Variants in CDH12 observed in about 807,000 individuals in gnomAD.
CDH12 encodes cadherin 12.
Under a neutral mutation model 74.1 loss-of-function variants are expected in CDH12, and 41 were observed. The observed-to-expected ratio is 0.55, with a 90% CI of 0.43 to 0.72. The LOEUF (loss-of-function observed/expected upper bound fraction) is 0.72, where lower values mean the gene tolerates loss of function less well. CDH12 is among the 30% of genes least tolerant of loss of function. The probability of loss-of-function intolerance (pLI) is 0.00; values close to 1 mark genes in which losing one functional copy is unlikely to be tolerated. For missense variants in CDH12, 945 were observed against 977.2 expected (o/e 0.97, Z 0.44); for synonymous variants, 399 against 355.0 (o/e 1.12, Z -1.39).
chr5:22,603,618 G>T (rs920285443), intron 1 of CDH12, among the ~76,000 whole-genome samples: 1 of 152,070 alleles, frequency 6.6e-6, no homozygotes, highest in Non-Finnish European at 1.5e-5. Context: ...TACTCAGAAG[G>T]CAAGGAAAGA....
intron 1 of CDH12, among the ~76,000 whole-genome samples, chr5:22,655,305 G>C (rs1278837380): frequency 6.6e-6 from 1 of 152,136 alleles, no homozygotes; most frequent in Non-Finnish European, 1.5e-5. Flanking sequence ...CATGCAATAT[G>C]ATCATTCTAA....
chr5:22,382,179 TAATA>T (rs886942411), intron 3 of CDH12, among the ~76,000 whole-genome samples: 28 of 145,864 alleles, frequency 1.9e-4, no homozygotes, highest in East Asian at 7.9e-4. Flanking sequence ...TATATATTTA[TAATA>T]TATATTATTT....
chr5:22,340,704 C>T (rs1739813059), intron 3 of CDH12, among the ~76,000 whole-genome samples: 1 of 152,042 alleles, frequency 6.6e-6, no homozygotes, highest in South Asian at 2.1e-4. Context: ...ATTCTATAGA[C>T]AATAATTCTG....
intron 1 of CDH12, among the ~76,000 whole-genome samples, chr5:22,710,103 C>T (rs1366284974): frequency 1.3e-5 from 2 of 152,136 alleles, no homozygotes; most frequent in African/African-American, 4.8e-5. Flanking sequence ...TACATCAAAG[C>T]AAAATCACCC....
At position 21,751,609 on chromosome 5, in the gene CDH12, A is replaced by AAAGAGTGTGTGTGT. The variant is rs1554025828; in HGVS notation, c.*127_*128insACACACACACTCTT. ...GGTAATCAAAGGAATCTTGTCCCAG[A>AAAGAGTGTGTGTGT]GTGTGTGTGTGTGTGTGTGTGTTTG... On this transcript the variant is annotated 3_prime_UTR_variant, in exon 15 of 15. Transcript: ENST00000382254. The AAAGAGTGTGTGTGT allele has an allele frequency of 7.6e-5, 42 of 556,084 alleles. No individual in the cohort carries two copies. The highest frequency in any genetic ancestry group is 2.5e-4 in the African/African-American group (10 of 39,852). 34.4% of individuals were successfully genotyped at this position (556,084 alleles called of 1,614,324 possible).
chr5:21,900,921 C>T (rs1753356568), intron 6 of CDH12, among the ~76,000 whole-genome samples: 1 of 152,188 alleles, frequency 6.6e-6, no homozygotes, highest in African/African-American at 2.4e-5. Flanking sequence ...CCACATAGCA[C>T]ATGCCACACT....
At chr5:22,334,022 C>T (rs1739459222) in intron 3 of CDH12, among the ~76,000 whole-genome samples, 2 of 152,130 alleles carry the variant, frequency 1.3e-5, no homozygotes, top group Admixed American at 6.5e-5. Flanking sequence ...TGTAGTATCA[C>T]ATTGACTGGG....
chr5:22,396,755 C>T (rs1283245713), intron 3 of CDH12, among the ~76,000 whole-genome samples: 1 of 152,086 alleles, frequency 6.6e-6, no homozygotes, highest in African/African-American at 2.4e-5. Context: ...GAGGAAGTTT[C>T]AGCATTTCAG....
rs948451249 is a variant in CDH12, at chr5:22,592,685, C to A, written c.-522-87321G>T. On this transcript the variant is annotated intron_variant, in intron 1 of 14. Coordinates refer to ENST00000382254, the MANE Select transcript of CDH12 (RefSeq NM_004061.5). ...TAAACAGCTCTCCCCCTCCACCCCC[C>A]ACCACCTCCACCCAATCCACTGCAA... 6.0e-5 allele frequency among the ~76,000 whole-genome samples: 9 copies of A among 149,530 alleles called. No individual in the cohort carries two copies. In the South Asian group the frequency reaches 1.3e-3, roughly 21 times the overall value.
intron 1 of CDH12, among the ~76,000 whole-genome samples, chr5:22,852,110 T>C (rs572774266): frequency 3.9e-5 from 6 of 152,284 alleles, no homozygotes; most frequent in African/African-American, 1.4e-4. Flanking sequence ...ATTTTCTAGC[T>C]GAGCAGTTTG....
intron 1 of CDH12, among the ~76,000 whole-genome samples, chr5:22,523,785 C>A (rs1213346364): frequency 2.6e-5 from 4 of 151,884 alleles, no homozygotes; most frequent in Non-Finnish European, 5.9e-5. Context: ...TTCTTTCCAC[C>A]CTGACCTCTC....
At position 21,815,492 on chromosome 5, in the gene CDH12, C is replaced by T. The variant is rs180761320; in HGVS notation, c.1002+1453G>A. The stretch of plus-strand genomic sequence containing the variant: ...TTAACAGACTCCTTCATGTCACCAC[C>T]CAACAAAAGACAAAACTACAGACAC... On this transcript the variant is annotated intron_variant, in intron 9 of 14. Coordinates refer to ENST00000382254, the MANE Select transcript of CDH12 (RefSeq NM_004061.5). Among the ~76,000 whole-genome samples, 148 of 152,210 alleles carry T rather than the reference C, an allele frequency of 9.7e-4. 1 individual carries two copies. The highest frequency in any genetic ancestry group is 1.7e-3 in the Non-Finnish European group (113 of 68,006).
chr5:22,035,419 A>C (rs1054050273), intron 5 of CDH12, among the ~76,000 whole-genome samples: 1 of 151,988 alleles, frequency 6.6e-6, no homozygotes, highest in Non-Finnish European at 1.5e-5. Flanking sequence ...TCATAATGTT[A>C]ACTACCGGCA....
intron 1 of CDH12, among the ~76,000 whole-genome samples, chr5:22,825,828 T>C (rs1192568269): frequency 6.6e-6 from 1 of 152,124 alleles, no homozygotes; most frequent in Admixed American, 6.5e-5. Context: ...CAAATACTGG[T>C]GGCAAAGGGC....
At chr5:22,194,308 CTT>C (rs59899245) in intron 4 of CDH12, among the ~76,000 whole-genome samples, 43,280 of 139,776 alleles carry the variant, frequency 0.31, 6,569 homozygotes, top group South Asian at 0.39. Flanking sequence ...CTTTTTCTTT[CTT>C]TTTTTTTTTT....
chr5:22,108,983 AG>A (rs1744665042), intron 4 of CDH12, among the ~76,000 whole-genome samples: 1 of 152,178 alleles, frequency 6.6e-6, no homozygotes, highest in Non-Finnish European at 1.5e-5. Context: ...GAAAAAGAAA[AG>A]TTTATAAATT....
chr5:22,466,571 G>A (rs985294603), intron 2 of CDH12, among the ~76,000 whole-genome samples: 8 of 151,960 alleles, frequency 5.3e-5, no homozygotes, highest in African/African-American at 1.9e-4. Context: ...AGGAGTAAAG[G>A]CAAAAAGGAG....
chr5:22,684,773 TCA>T (rs1741673293), intron 1 of CDH12, among the ~76,000 whole-genome samples: 1 of 152,156 alleles, frequency 6.6e-6, no homozygotes, highest in African/African-American at 2.4e-5. Context: ...CACACATCTC[TCA>T]CACACACACT....
chr5:22,651,540 A>C (rs145446116), intron 1 of CDH12, among the ~76,000 whole-genome samples: 65 of 152,224 alleles, frequency 4.3e-4, no homozygotes, highest in African/African-American at 1.5e-3. Context: ...ACTCACTATC[A>C]TGAGACCAGC....
Sources: gnomAD v4.1 joint callset for allele counts (sites outside exome capture counted in the v4.1 genomes callset) on GRCh38, gnomAD v4.1.1 for gene constraint, MANE v1.5 for transcripts, NCBI Gene and HGNC (gene_info 2026-07-23, HGNC 2026-07-21) for gene names.